STK3: variants seen among roughly 807,000 people sequenced by gnomAD.
STK3 encodes the protein serine/threonine kinase 3.
Under a neutral mutation model 58.0 loss-of-function variants are expected in STK3, and 41 were observed. The observed-to-expected ratio is 0.71, with a 90% confidence interval of 0.55 to 0.92. The LOEUF is 0.92. Ranked by LOEUF, STK3 falls within the 40% of genes least tolerant of loss-of-function variation. The probability of loss-of-function intolerance (pLI) is 0.00; values close to 1 mark genes in which losing one functional copy is unlikely to be tolerated. For synonymous variants in STK3, 170 were observed against 191.0 expected (o/e 0.89, Z 0.91); for missense variants, 479 against 602.7 (o/e 0.79, Z 2.15).
intron 1 of STK3, among the ~76,000 whole-genome samples, chr8:98,941,557 T>G (rs1328510409): frequency 2.0e-5 from 3 of 152,136 alleles, no homozygotes; most frequent in Non-Finnish European, 4.4e-5. Flanking sequence ...AGGATCCGAG[T>G]CCGAGTGGGA....
At chr8:98,773,126 T>C (rs924515753) in intron 2 of STK3, among the ~76,000 whole-genome samples, 6 of 152,172 alleles carry the variant, frequency 3.9e-5, no homozygotes, top group African/African-American at 1.4e-4. Context: ...TATATTTACA[T>C]TTCTATAAAA....
chr8:98,906,150 G>A (rs904858882), intron 1 of STK3: 6 of 153,020 alleles, frequency 3.9e-5, no homozygotes, highest in African/African-American at 1.4e-4. Flanking sequence ...TAAGATCCCT[G>A]TCCAAAGGCT....
intron 3 of STK3, among the ~76,000 whole-genome samples, chr8:98,751,815 C>T (rs1485390584): frequency 6.6e-6 from 1 of 152,276 alleles, no homozygotes; most frequent in East Asian, 1.9e-4. Flanking sequence ...TGGCGCATGC[C>T]TGTAATCCCA....
intron 1 of STK3, among the ~76,000 whole-genome samples, chr8:98,807,240 G>A (rs561965202): frequency 4.6e-5 from 7 of 151,520 alleles, no homozygotes; most frequent in Admixed American, 1.3e-4. Context: ...TCAAATATTT[G>A]GGTTTTTGGT....
intron 1 of STK3, chr8:98,439,273 G>A (rs1413255391): frequency 8.5e-5 from 13 of 152,308 alleles, no homozygotes; most frequent in Non-Finnish European, 8.8e-5. Flanking sequence ...GAAGGGCCTT[G>A]TCATTGCCCT....
intron 4 of STK3, among the ~76,000 whole-genome samples, chr8:98,746,824 G>C (rs1476662011): frequency 6.6e-6 from 1 of 151,930 alleles, no homozygotes; most frequent in Non-Finnish European, 1.5e-5. Flanking sequence ...AATTGCTTGA[G>C]ACCAGGAGTT....
intron 6 of STK3, among the ~76,000 whole-genome samples, chr8:98,668,809 G>A (rs1822558638): frequency 6.6e-6 from 1 of 152,038 alleles, no homozygotes; most frequent in African/African-American, 2.4e-5. Flanking sequence ...CAACTGAAGT[G>A]TGTTACAAAT....
At chr8:98,462,963 C>G (rs543173884) in intron 10 of STK3, 1 of 152,150 alleles carries the variant, frequency 6.6e-6, no homozygotes, top group Admixed American at 6.5e-5. Flanking sequence ...GAATGCTTCA[C>G]GAATTTGCAT....
chr8:98,489,290 T>C (rs1004543458), intron 10 of STK3, among the ~76,000 whole-genome samples: 3 of 152,178 alleles, frequency 2.0e-5, no homozygotes, highest in Non-Finnish European at 2.9e-5. Flanking sequence ...ATTGTTCTTC[T>C]GAAAGTTTAA....
intron 7 of STK3, among the ~76,000 whole-genome samples, chr8:98,583,132 A>G (rs568157140): frequency 6.6e-6 from 1 of 151,892 alleles, no homozygotes; most frequent in Non-Finnish European, 1.5e-5. Flanking sequence ...TTTTTTAAAT[A>G]AAAACAGACA....
intron 1 of STK3, among the ~76,000 whole-genome samples, chr8:98,815,676 G>GA (rs953181164): frequency 9.3e-5 from 14 of 150,582 alleles, no homozygotes; most frequent in East Asian, 1.9e-4. Context: ...GCATTTAAAA[G>GA]AAAAAAAAAT....
intron 3 of STK3, among the ~76,000 whole-genome samples, chr8:98,403,428 AGGAAG>A (rs1485049382): frequency 6.6e-6 from 1 of 152,210 alleles, no homozygotes; most frequent in African/African-American, 2.4e-5. Flanking sequence ...GGAGCAGGTA[AGGAAG>A]GGAAGTAAGC....
chr8:98,934,621 G>T (rs1341239042), intron 1 of STK3, among the ~76,000 whole-genome samples: 1 of 152,146 alleles, frequency 6.6e-6, no homozygotes, highest in Non-Finnish European at 1.5e-5. Flanking sequence ...ACACATATAA[G>T]ATGACATATG....
At chr8:98,640,872 G>T (rs1819967861) in intron 6 of STK3, among the ~76,000 whole-genome samples, 1 of 150,636 alleles carries the variant, frequency 6.6e-6, no homozygotes, top group South Asian at 2.1e-4. Flanking sequence ...ACATAAAAAA[G>T]GATGATCAAA....
intron 9 of STK3, among the ~76,000 whole-genome samples, chr8:98,544,990 A>G (rs1288015148): frequency 2.0e-5 from 3 of 152,166 alleles, no homozygotes; most frequent in African/African-American, 7.2e-5. Context: ...CTAACTGAGT[A>G]GATCTGAGCT....
At chr8:98,594,914 C>G (rs1815672129) in intron 7 of STK3, 1 of 152,120 alleles carries the variant, frequency 6.6e-6, no homozygotes, top group South Asian at 2.1e-4. Context: ...TCATTATAAG[C>G]ATTAAGATAT....
downstream of STK3, among the ~76,000 whole-genome samples, chr8:98,400,874 A>G (rs1817935723): frequency 6.6e-6 from 1 of 152,094 alleles, no homozygotes; most frequent in Non-Finnish European, 1.5e-5. Context: ...CCTGTGGCAG[A>G]CTGTATTTTC....
chr8:98,595,880 A>G, intron 7 of STK3, 152 bp downstream of exon 7: 1 of 769,678 alleles, frequency 1.3e-6, no homozygotes, highest in Non-Finnish European at 1.9e-6. Flanking sequence ...AGGGGACGAG[A>G]GGGGAGGAAA....
chr8:98,784,543 G>A (rs1832332695), intron 1 of STK3, among the ~76,000 whole-genome samples: 1 of 152,066 alleles, frequency 6.6e-6, no homozygotes, highest in African/African-American at 2.4e-5. Flanking sequence ...TGGAGCAACT[G>A]TTTGCCTGGA....
Sources: allele counts gnomAD v4.1 joint callset (sites outside exome capture counted in the v4.1 genomes callset), GRCh38; gene constraint gnomAD v4.1.1; transcripts MANE v1.5; gene names NCBI Gene and HGNC (gene_info 2026-07-23, HGNC 2026-07-21).